C5AR2: variants seen among roughly 807,000 people sequenced by gnomAD.
C5AR2 encodes complement C5a receptor 2.
For synonymous variants in C5AR2, 224 were observed against 216.5 expected (o/e 1.03, Z -0.30); for missense variants, 458 against 467.5 (o/e 0.98, Z 0.19).
At chr19:47,338,789 A>G (rs965945676) in intron 1 of C5AR2, among the ~76,000 whole-genome samples, 2 of 151,500 alleles carry the variant, frequency 1.3e-5, no homozygotes, top group South Asian at 4.2e-4. Flanking sequence ...GTGAGCTGGG[A>G]AAGTGCCGCT....
chr19:47,338,914 G>A (rs1387237511), intron 1 of C5AR2, among the ~76,000 whole-genome samples: 1 of 152,048 alleles, frequency 6.6e-6, no homozygotes, highest in Non-Finnish European at 1.5e-5. Context: ...AGCACTTTGG[G>A]AGGCTGAGGC....
At position 47,340,789 on chromosome 19, in the gene C5AR2, C is replaced by T. The variant is rs746247238; in HGVS notation, c.-11C>T. On this transcript the variant is annotated 5_prime_UTR_variant, in exon 2 of 2. Coordinates refer to ENST00000595464, the MANE Select transcript of C5AR2 (RefSeq NM_001271749.2). ...TCGTCTTTCTCTCCTGCCCAGACAC[C>T]AGGAGCCTGAATGGGGAACGATTCT... The T allele has an allele frequency of 1.2e-6, 2 of 1,613,128 alleles. No homozygotes were observed. Among genetic ancestry groups the T allele is most frequent in the South Asian group, 2.2e-5 (2 of 91,066 alleles).
rs377218578 is a variant in C5AR2, at chr19:47,341,291, G to C, written c.492G>C (p.Leu164=). The part of the protein sequence containing the change: ...ACGAAWTLAL[L]LTVPSAIYRR... ...GGGCAGCCTGGACACTGGCCTTGCTGCTCACCGTGCCCTCCGCCATCTACC... is the reference window on the plus strand; with the variant it reads ...GGGCAGCCTGGACACTGGCCTTGCTCCTCACCGTGCCCTCCGCCATCTACC... The change falls in exon 2 of 2, where the codon CTG becomes CTC. Residue 164 remains leucine, a synonymous_variant. Coordinates refer to ENST00000595464, the MANE Select transcript of C5AR2 (RefSeq NM_001271749.2). This position sits in a 1 kb window ranked among gnomAD's most constrained non-coding sequence, Gnocchi z 4.6. The C allele has an allele frequency of 6.5e-5, 105 of 1,607,444 alleles. No homozygotes were observed. The highest frequency in any genetic ancestry group is 8.3e-5 in the Non-Finnish European group (98 of 1,179,872).
chr19:47,332,981 C>G (rs1456813839), intron 1 of C5AR2, among the ~76,000 whole-genome samples: 1 of 152,070 alleles, frequency 6.6e-6, no homozygotes, highest in African/African-American at 2.4e-5. Context: ...CTCAGCGATT[C>G]CAATTCTTTT....
chr19:47,344,761 T>A lies in C5AR2; in HGVS notation c.*2948T>A, dbSNP rs1969094650. 6.6e-6 allele frequency: 1 copy of A among 151,998 alleles called. No homozygotes were observed. Among genetic ancestry groups the A allele is most frequent in the South Asian group, 2.1e-4 (1 of 4,810 alleles). 9.4% of individuals were successfully genotyped at this position (151,998 alleles called of 1,614,324 possible). A position where few individuals can be genotyped will look rare whatever the true frequency, so the allele number is the denominator to read the frequency against. ...CCCCAAGGGTAACAACTGGACTAAT[T>A]TTTTTTAATTTAATTTAATTTTATT... On this transcript the variant is annotated 3_prime_UTR_variant, in exon 2 of 2. Transcript: ENST00000595464.
At position 47,341,531 on chromosome 19, in the gene C5AR2, C is replaced by T. The variant is rs778087362; in HGVS notation, c.732C>T (p.Val244=). 1 of 1,612,338 alleles carries T rather than the reference C, an allele frequency of 6.2e-7. No homozygotes were observed. The highest frequency in any genetic ancestry group is 1.7e-5 in the Admixed American group (1 of 59,952). ...LGTAIVVGFF[V]CWAPYHLLGL... ...CAGCCATTGTGGTGGGGTTTTTTGT[C>T]TGCTGGGCACCCTACCACCTGCTGG... The change falls in exon 2 of 2, where the codon GTC becomes GTT. Residue 244 remains valine, a synonymous_variant. Transcript: ENST00000595464. This position sits in a 1 kb window ranked among gnomAD's most constrained non-coding sequence, Gnocchi z 4.6.
intron 1 of C5AR2, among the ~76,000 whole-genome samples, chr19:47,337,412 C>T (rs1470840573): frequency 6.6e-6 from 1 of 152,128 alleles, no homozygotes; most frequent in Non-Finnish European, 1.5e-5. Flanking sequence ...GCCTGCAATC[C>T]CAGCACTTTG....
At position 47,343,137 on chromosome 19, in the gene C5AR2, G is replaced by A. The variant is rs1969070019; in HGVS notation, c.*1324G>A. On this transcript the variant is annotated 3_prime_UTR_variant, in exon 2 of 2. Transcript: ENST00000595464. ...GGGTCCTTTTAAGAGGGAGGCAGGA[G>A]GGTCAGGGTCAGTCACAGGAGGTGA... The A allele has an allele frequency of 6.6e-6, 1 of 152,174 alleles. No homozygotes were observed. Among genetic ancestry groups the A allele is most frequent in the South Asian group, 2.1e-4 (1 of 4,826 alleles). The allele number at this position is 152,174 out of a possible 1,614,324, so 9.4% of individuals were successfully genotyped here.
chr19:47,344,713 A>T lies in C5AR2; in HGVS notation c.*2900A>T, dbSNP rs1408262721. 6.6e-5 allele frequency: 10 copies of T among 152,150 alleles called. No individual in the cohort carries two copies. Among genetic ancestry groups the T allele is most frequent in the Admixed American group, 6.6e-4 (10 of 15,248 alleles). The allele number at this position is 152,150 out of a possible 1,614,324, so 9.4% of individuals were successfully genotyped here. A position where few individuals can be genotyped will look rare whatever the true frequency, so the allele number is the denominator to read the frequency against. On this transcript the variant is annotated 3_prime_UTR_variant, in exon 2 of 2. Transcript: ENST00000595464. ...CCTTTCTCTGAGTCTCTGGAACACA[A>T]GGTCCCAGCTAAACTGTAAATTCCC...
chr19:47,332,556 C>T (rs1426082840), intron 1 of C5AR2, among the ~76,000 whole-genome samples: 1 of 152,110 alleles, frequency 6.6e-6, no homozygotes, highest in Non-Finnish European at 1.5e-5. Flanking sequence ...GTCAAAGGAT[C>T]TAAGCATTTT....
At position 47,343,963 on chromosome 19, in the gene C5AR2, A is replaced by G. The variant is rs1969082728; in HGVS notation, c.*2150A>G. On this transcript the variant is annotated 3_prime_UTR_variant, in exon 2 of 2. Transcript: ENST00000595464. The stretch of plus-strand genomic sequence containing the variant: ...CTGCCATATTCGACAGCACAGCTAT[A>G]GAACATTGCCATCATAACAGAGATT... 2 of 152,218 alleles carry G rather than the reference A, an allele frequency of 1.3e-5. No homozygotes were observed. Among genetic ancestry groups the G allele is most frequent in the African/African-American group, 4.8e-5 (2 of 41,456 alleles). 9.4% of individuals were successfully genotyped at this position (152,218 alleles called of 1,614,324 possible).
At chr19:47,339,280 G>A (rs1197125610) in intron 1 of C5AR2, among the ~76,000 whole-genome samples, 1 of 152,042 alleles carries the variant, frequency 6.6e-6, no homozygotes, top group East Asian at 1.9e-4. Context: ...ACATGCCGTG[G>A]CCCCTGATAA....
chr19:47,336,654 G>A lies in C5AR2; in HGVS notation c.-15-4131G>A, dbSNP rs543085600. On this transcript the variant is annotated intron_variant, in intron 1 of 1. Coordinates refer to ENST00000595464, the MANE Select transcript of C5AR2 (RefSeq NM_001271749.2). Reference sequence around the variant, plus strand: ...TAGAAAAGGTTGGGATTGCAGGCACGAACCACTATGCCTGGCTAATTTTTA... The same window carrying A: ...TAGAAAAGGTTGGGATTGCAGGCACAAACCACTATGCCTGGCTAATTTTTA... 2.1e-4 allele frequency among the ~76,000 whole-genome samples: 32 copies of A among 151,850 alleles called. 1 individual carries two copies. The East Asian group carries it at 6.2e-3, about 29-fold the overall frequency.
chr19:47,338,480 A>G (rs1457379803), intron 1 of C5AR2, among the ~76,000 whole-genome samples: 2 of 149,416 alleles, frequency 1.3e-5, no homozygotes, highest in Non-Finnish European at 3.0e-5. Context: ...AAAACACAAA[A>G]TGTTCAAGAA....
In C5AR2 at chr19:47,347,203, G is replaced by A. The variant is rs1340223028; in HGVS notation, c.*5390G>A. ...ACCAAGTTATTAATAATTTCTCTAA[G>A]AACTAGTCTCAAGCTTGCTATACAA... On this transcript the variant is annotated 3_prime_UTR_variant, in exon 2 of 2. Transcript: ENST00000595464. 6.6e-6 allele frequency: 1 copy of A among 151,934 alleles called. No homozygotes were observed. The highest frequency in any genetic ancestry group is 1.9e-4 in the East Asian group (1 of 5,194). 9.4% of individuals were successfully genotyped at this position (151,934 alleles called of 1,614,324 possible).
intron 1 of C5AR2, among the ~76,000 whole-genome samples, chr19:47,337,406 G>A (rs1381974108): frequency 6.6e-6 from 1 of 152,180 alleles, no homozygotes; most frequent in Non-Finnish European, 1.5e-5. Context: ...GCTCATGCCT[G>A]CAATCCCAGC....
chr19:47,340,222 G>A (rs973411632), intron 1 of C5AR2, among the ~76,000 whole-genome samples: 7 of 151,882 alleles, frequency 4.6e-5, no homozygotes, highest in Admixed American at 2.0e-4. Flanking sequence ...CTCTCAAATC[G>A]TTGGGATTAC....
At chr19:47,333,318 A>G (rs765789747) in intron 1 of C5AR2, among the ~76,000 whole-genome samples, 3 of 152,036 alleles carry the variant, frequency 2.0e-5, no homozygotes, top group Non-Finnish European at 4.4e-5. Context: ...TCAATGTTCT[A>G]TCACAAAATC....
intron 1 of C5AR2, among the ~76,000 whole-genome samples, chr19:47,336,299 A>T (rs1171881526): frequency 6.6e-6 from 1 of 152,064 alleles, no homozygotes; most frequent in Non-Finnish European, 1.5e-5. Flanking sequence ...CATGTTGCTC[A>T]GGCTGGTCTT....
Sources: gnomAD v4.1 joint callset for allele counts (sites outside exome capture counted in the v4.1 genomes callset) on GRCh38, gnomAD v4.1.1 for gene constraint, Gnocchi (gnomAD v3.1) non-coding constraint, MANE v1.5 for transcripts, NCBI Gene and HGNC (gene_info 2026-07-23, HGNC 2026-07-21) for gene names.